Variants in MSL3B observed in about 807,000 individuals in gnomAD.
MSL3B encodes MSL complex subunit 3B.
the MSL3B span, chr2:233,868,304 T>G: frequency 1.6e-5 from 4 of 248,488 alleles, no homozygotes; most frequent in African/African-American, 9.2e-5. Context: ...CAGGGGAGAT[T>G]TAACGCGAAG....
the MSL3B span, among the ~76,000 whole-genome samples, chr2:233,867,894 G>A: frequency 4.7e-5 from 7 of 148,764 alleles, no homozygotes; most frequent in African/African-American, 1.7e-4. Flanking sequence ...GGGTTGAAAC[G>A]ATTCTCCTGC....
chr2:233,867,232 T>TGA, the MSL3B span: 1 of 765,308 alleles, frequency 1.3e-6, no homozygotes, highest in Admixed American at 1.8e-5. Flanking sequence ...CTTCTTTCAC[T>TGA]TCAGTCTTTT....
At chr2:233,866,700 G>C in the MSL3B span, 1 of 790,872 alleles carries the variant, frequency 1.3e-6, no homozygotes, top group Non-Finnish European at 2.3e-6. Flanking sequence ...GGGGTGGCTG[G>C]TTCACCGCTG....
At chr2:233,865,412 A>G in the MSL3B span, 1 of 152,134 alleles carries the variant, frequency 6.6e-6, no homozygotes, top group Non-Finnish European at 1.5e-5. Flanking sequence ...TCGTCATTAT[A>G]TCTGTAGTTA....
the MSL3B span, chr2:233,866,971 G>A: frequency 7.4e-7 from 1 of 1,344,764 alleles, no homozygotes; most frequent in South Asian, 1.2e-5. Flanking sequence ...TATAAGGCAC[G>A]TTCATGCTGG....
At chr2:233,865,220 CAATA>C in the MSL3B span, among the ~76,000 whole-genome samples, 25 of 152,134 alleles carry the variant, frequency 1.6e-4, no homozygotes, top group African/African-American at 5.3e-4. Flanking sequence ...GCATAGTGTG[CAATA>C]AATATGTGGG....
chr2:233,867,321 C>G, the MSL3B span: 2 of 681,854 alleles, frequency 2.9e-6, no homozygotes, highest in Non-Finnish European at 5.3e-6. Context: ...GAGTTTTCAT[C>G]ATTTTCATTT....
the MSL3B span, chr2:233,866,210 T>C: frequency 1.5e-6 from 1 of 668,450 alleles, no homozygotes; most frequent in Admixed American, 1.8e-5. Context: ...GAAGAAGTCA[T>C]CGTGGTATTC....
At chr2:233,866,900 A>G in the MSL3B span, 4 of 1,481,978 alleles carry the variant, frequency 2.7e-6, no homozygotes, top group Non-Finnish European at 3.8e-6. Flanking sequence ...AGTGTAATCA[A>G]AGGTTATTCT....
chr2:233,866,952 C>G, the MSL3B span: 5 of 1,404,448 alleles, frequency 3.6e-6, no homozygotes, highest in South Asian at 4.6e-5. Context: ...ATATTCTTTT[C>G]TGCTGGGATA....
chr2:233,865,063 T>C, the MSL3B span, among the ~76,000 whole-genome samples: 1 of 152,342 alleles, frequency 6.6e-6, no homozygotes, highest in South Asian at 2.1e-4. Flanking sequence ...AGTGGGAAGA[T>C]ATGTCTCTGT....
At chr2:233,867,576 A>G in the MSL3B span, 2 of 225,158 alleles carry the variant, frequency 8.9e-6, no homozygotes, top group African/African-American at 4.8e-5. Flanking sequence ...CCCGGGTTCA[A>G]GTGATTCTCC....
At chr2:233,866,440 C>T in the MSL3B span, 5 of 1,249,784 alleles carry the variant, frequency 4.0e-6, no homozygotes, top group Non-Finnish European at 5.9e-6. Flanking sequence ...TAGTTCTTCT[C>T]CCTTCAAAGC....
chr2:233,867,463 A>AT, the MSL3B span: 1 of 383,030 alleles, frequency 2.6e-6, no homozygotes, highest in African/African-American at 2.2e-5. Flanking sequence ...TAATCTACGA[A>AT]TTTCTTTCTT....
chr2:233,866,701 T>A, the MSL3B span: 1 of 791,138 alleles, frequency 1.3e-6, no homozygotes, highest in South Asian at 1.3e-5. Context: ...GGGTGGCTGG[T>A]TCACCGCTGG....
At chr2:233,867,624 C>T in the MSL3B span, among the ~76,000 whole-genome samples, 1 of 151,390 alleles carries the variant, frequency 6.6e-6, no homozygotes, top group African/African-American at 2.4e-5. Context: ...TATAGGCGCC[C>T]ACCACCATGT....
chr2:233,867,355 T>TA, the MSL3B span: 4 of 609,522 alleles, frequency 6.6e-6, no homozygotes, highest in Non-Finnish European at 8.9e-6. Context: ...AGAGGCCTTT[T>TA]AAAAAAAGAC....
the MSL3B span, chr2:233,866,250 G>A: frequency 2.8e-6 from 2 of 713,690 alleles, no homozygotes; most frequent in Admixed American, 1.8e-5. Flanking sequence ...AGATCAAAGT[G>A]CTTCAATAAA....
the MSL3B span, among the ~76,000 whole-genome samples, chr2:233,864,751 T>C: frequency 0.4 from 61,230 of 152,112 alleles, 14,400 homozygotes; most frequent in Middle Eastern, 0.52. Flanking sequence ...TAATGAGATA[T>C]GTTACATTTA....
Sources: gnomAD v4.1 joint callset for allele counts (sites outside exome capture counted in the v4.1 genomes callset) on GRCh38, gnomAD v4.1.1 for gene constraint, MANE v1.5 for transcripts, NCBI Gene and HGNC (gene_info 2026-07-23, HGNC 2026-07-21) for gene names.